DIAPH3: variants seen among roughly 807,000 people sequenced by gnomAD.
DIAPH3 encodes protein diaphanous homolog 3.
Under a neutral mutation model 144.3 loss-of-function variants are expected in DIAPH3, and 117 were observed. That is an observed-to-expected ratio of 0.81 (90% confidence interval 0.70 to 0.95). The LOEUF is 0.95. Ranked by LOEUF, DIAPH3 falls within the 40% of genes least tolerant of loss-of-function variation. The probability of loss-of-function intolerance (pLI) is 0.00; values close to 1 mark genes in which losing one functional copy is unlikely to be tolerated. For missense variants in DIAPH3, 1,421 were observed against 1,412.7 expected (o/e 1.01, Z -0.09); for synonymous variants, 519 against 488.9 (o/e 1.06, Z -0.81).
At chr13:59,952,987 T>C (rs767126415) in intron 17 of DIAPH3, among the ~76,000 whole-genome samples, 2 of 152,024 alleles carry the variant, frequency 1.3e-5, no homozygotes, top group African/African-American at 2.4e-5. Flanking sequence ...TAAGACAACA[T>C]ACCGAATATA....
At chr13:60,117,420 G>T (rs550232046) in intron 2 of DIAPH3, among the ~76,000 whole-genome samples, 157 of 151,930 alleles carry the variant, frequency 1.0e-3, no homozygotes, top group African/African-American at 3.6e-3. Flanking sequence ...AAAAAAATAA[G>T]GAAAGAACCA....
At chr13:59,984,114 T>C (rs574484392) in intron 12 of DIAPH3, among the ~76,000 whole-genome samples, 1 of 151,808 alleles carries the variant, frequency 6.6e-6, no homozygotes, top group South Asian at 2.1e-4. Flanking sequence ...GGAAATACAG[T>C]ATCCCTTAAT....
intron 12 of DIAPH3, among the ~76,000 whole-genome samples, chr13:59,990,023 C>T (rs2051705650): frequency 6.6e-6 from 1 of 151,794 alleles, no homozygotes; most frequent in African/African-American, 2.4e-5. Context: ...GTATCATAAA[C>T]AGCATGGTAC....
chr13:59,760,443 A>G (rs949357031), intron 27 of DIAPH3, among the ~76,000 whole-genome samples: 2 of 152,220 alleles, frequency 1.3e-5, no homozygotes, highest in Admixed American at 1.3e-4. Flanking sequence ...GTTGTCTCTT[A>G]TATTTGTAGC....
chr13:59,959,580 C>T (rs1026973711), intron 17 of DIAPH3, among the ~76,000 whole-genome samples: 2 of 152,184 alleles, frequency 1.3e-5, no homozygotes, highest in East Asian at 1.9e-4. Context: ...GGAAGCCAGG[C>T]GAGAGAGATC....
At chr13:59,893,160 C>A (rs886283989) in intron 20 of DIAPH3, among the ~76,000 whole-genome samples, 1 of 152,098 alleles carries the variant, frequency 6.6e-6, no homozygotes, top group African/African-American at 2.4e-5. Context: ...ACCGCCATAG[C>A]ATCAGCATCT....
chr13:59,882,775 G>A (rs928953688), intron 20 of DIAPH3, among the ~76,000 whole-genome samples: 2 of 152,148 alleles, frequency 1.3e-5, no homozygotes, highest in African/African-American at 4.8e-5. Flanking sequence ...TAAATCTATT[G>A]TTACAAAGTC....
chr13:60,125,497 T>A (rs1289545492), intron 2 of DIAPH3, among the ~76,000 whole-genome samples: 1 of 144,326 alleles, frequency 6.9e-6, no homozygotes, highest in East Asian at 2.2e-4. Flanking sequence ...CACTTCAGCC[T>A]CCCAAACAAA....
chr13:59,960,425 C>G (rs1594134268), intron 17 of DIAPH3, among the ~76,000 whole-genome samples: 1 of 152,228 alleles, frequency 6.6e-6, no homozygotes, highest in South Asian at 2.1e-4. Context: ...TAATCCATTC[C>G]TAAAAAATTA....
At chr13:60,076,972 C>T (rs929923081) in intron 4 of DIAPH3, among the ~76,000 whole-genome samples, 3 of 152,020 alleles carry the variant, frequency 2.0e-5, no homozygotes, top group Non-Finnish European at 4.4e-5. Context: ...ACCTTTTTCA[C>T]ATAAGTAGAC....
intron 1 of DIAPH3, among the ~76,000 whole-genome samples, chr13:60,158,607 G>C (rs1302587161): frequency 6.6e-6 from 1 of 152,124 alleles, no homozygotes; most frequent in South Asian, 2.1e-4. Context: ...CCAGGCAGAG[G>C]TTGCTTGAAC....
intron 4 of DIAPH3, among the ~76,000 whole-genome samples, chr13:60,092,290 T>C (rs2057962699): frequency 6.6e-6 from 1 of 151,996 alleles, no homozygotes; most frequent in South Asian, 2.1e-4. Context: ...GATATATAAG[T>C]ATCATTAAAG....
chr13:59,896,130 C>T (rs998794676), intron 20 of DIAPH3, among the ~76,000 whole-genome samples: 1 of 152,118 alleles, frequency 6.6e-6, no homozygotes, highest in Non-Finnish European at 1.5e-5. Flanking sequence ...TTCAATCTTT[C>T]TCTTTTGCTT....
chr13:60,102,551 A>T (rs1473266552), intron 3 of DIAPH3, among the ~76,000 whole-genome samples: 1 of 152,186 alleles, frequency 6.6e-6, no homozygotes, highest in Non-Finnish European at 1.5e-5. Context: ...GCTGGAGATG[A>T]TACAGCCCCA....
chr13:59,881,077 T>C (rs1386242736), intron 20 of DIAPH3, among the ~76,000 whole-genome samples: 3 of 151,916 alleles, frequency 2.0e-5, no homozygotes, highest in Admixed American at 2.0e-4. Context: ...TGTACTATTA[T>C]AATGTTGATT....
intron 5 of DIAPH3, among the ~76,000 whole-genome samples, chr13:60,035,503 T>C (rs1373619862): frequency 6.6e-6 from 1 of 152,182 alleles, no homozygotes; most frequent in Non-Finnish European, 1.5e-5. Context: ...AATGTAAAGT[T>C]AGTACTTATT....
chr13:60,117,193 G>A (rs2058725239), intron 2 of DIAPH3, among the ~76,000 whole-genome samples: 1 of 151,724 alleles, frequency 6.6e-6, no homozygotes, highest in African/African-American at 2.4e-5. Context: ...AAAACTCTGG[G>A]GAAAAGATAA....
At chr13:59,687,569 C>A (rs1055153235) in intron 27 of DIAPH3, among the ~76,000 whole-genome samples, 2 of 151,956 alleles carry the variant, frequency 1.3e-5, no homozygotes, top group African/African-American at 4.8e-5. Flanking sequence ...AGAGTTTTAA[C>A]CCTTTTGATA....
chr13:60,046,450 G>A (rs1344021342), intron 4 of DIAPH3, among the ~76,000 whole-genome samples: 10 of 152,116 alleles, frequency 6.6e-5, no homozygotes, highest in African/African-American at 1.7e-4. Context: ...TTACAATGGC[G>A]ATCATTAAAA....
Sources: gnomAD v4.1 joint callset for allele counts (sites outside exome capture counted in the v4.1 genomes callset) on GRCh38, gnomAD v4.1.1 for gene constraint, MANE v1.5 for transcripts, NCBI Gene and HGNC (gene_info 2026-07-23, HGNC 2026-07-21) for gene names.